WDR93: variants seen among roughly 807,000 people sequenced by gnomAD.
WDR93 encodes the protein WD repeat-containing protein 93.
In WDR93, 73 loss-of-function variants were observed where a neutral mutation model predicts 82.9. The ratio of observed to expected loss-of-function variants is 0.88; its 90% CI spans 0.73 to 1.07. The LOEUF is 1.07. Ranked by LOEUF, WDR93 falls within the 50% of genes least tolerant of loss-of-function variation. The pLI is 0.00. For missense variants in WDR93, 738 were observed against 826.0 expected (o/e 0.89, Z 1.31); for synonymous variants, 283 against 300.1 (o/e 0.94, Z 0.59).
At chr15:89,701,609 A>G (rs1336942919) in intron 1 of WDR93, 98 bp from the exon 2 acceptor site, 5 of 1,019,898 alleles carry the variant, frequency 4.9e-6, no homozygotes, top group Non-Finnish European at 7.2e-6. Flanking sequence ...TCTGTGGAAT[A>G]AGCAGTCCCT....
At position 89,714,831 on chromosome 15, in the gene WDR93, A is replaced by T. The variant is rs113391575; in HGVS notation, c.641-149A>T. The T allele has an allele frequency of 5.6e-3, 3,457 of 622,750 alleles. 17 individuals carry two copies. Among genetic ancestry groups the T allele is most frequent in the Non-Finnish European group, 7.7e-3 (2,722 of 354,816 alleles). The allele number at this position is 622,750 out of a possible 1,614,324, so 38.6% of individuals were successfully genotyped here. A position where few individuals can be genotyped will look rare whatever the true frequency, so the allele number is the denominator to read the frequency against. ...GAGGACTTGCAATAACCATTGCAGA[A>T]CTACTTCTCCTTCAGTATGTCAAAG... On this transcript the variant is annotated intron_variant, in intron 5 of 16. Coordinates refer to ENST00000268130, the MANE Select transcript of WDR93 (RefSeq NM_020212.2).
chr15:89,737,774 A>C (rs762434290), intron 15 of WDR93, 45 bp downstream of exon 15: 3 of 1,610,506 alleles, frequency 1.9e-6, no homozygotes, highest in Admixed American at 1.7e-5. Context: ...CATTTCCCTG[A>C]CTTAGTTCTC....
At chr15:89,712,138 T>G (rs1389300735) in intron 5 of WDR93, 34 bp downstream of exon 5, 4 of 1,533,044 alleles carry the variant, frequency 2.6e-6, no homozygotes, top group Admixed American at 1.7e-5. Flanking sequence ...AGGTTCAAAT[T>G]TTCAGTCTCT....
chr15:89,716,461 C>A (rs1455222218), intron 6 of WDR93, among the ~76,000 whole-genome samples: 1 of 152,192 alleles, frequency 6.6e-6, no homozygotes, highest in Non-Finnish European at 1.5e-5. Flanking sequence ...GGGGTGGTTT[C>A]TCACCATAAT....
At chr15:89,729,816 A>C (rs779085658) in intron 11 of WDR93, 47 bp downstream of exon 11, 2 of 1,469,048 alleles carry the variant, frequency 1.4e-6, no homozygotes. Flanking sequence ...GGACTTGCAG[A>C]CATGTCCTTC....
At chr15:89,703,255 T>C in intron 3 of WDR93, 113 bp downstream of exon 3, 1 of 1,102,262 alleles carries the variant, frequency 9.1e-7, no homozygotes, top group Non-Finnish European at 1.4e-6. Flanking sequence ...TTCTCCCTGG[T>C]CATGTAATAG....
chr15:89,715,139 C>T, intron 6 of WDR93, 44 bp downstream of exon 6: 1 of 1,563,050 alleles, frequency 6.4e-7, no homozygotes, highest in Non-Finnish European at 8.7e-7. Context: ...TCTCCCTACC[C>T]CTGACCCACA....
At chr15:89,734,103 C>A (rs765580364) in intron 13 of WDR93, among the ~76,000 whole-genome samples, 32 of 152,278 alleles carry the variant, frequency 2.1e-4, no homozygotes, top group Non-Finnish European at 2.9e-4. Context: ...ATCTCCAGTT[C>A]CATTTGGGCT....
At position 89,738,182 on chromosome 15, in the gene WDR93, C is replaced by A; in HGVS notation, c.1907C>A (p.Ala636Asp). The A allele has an allele frequency of 6.2e-7, 1 of 1,614,092 alleles. No individual in the cohort carries two copies. Among genetic ancestry groups the A allele is most frequent in the East Asian group, 2.2e-5 (1 of 44,880 alleles). Reference sequence around the variant, plus strand: ...CCTCAAAGGGACTTGGATAACATGGCCTTCCCCCAAGCACTGCCACTGGAG... The same window carrying A: ...CCTCAAAGGGACTTGGATAACATGGACTTCCCCCAAGCACTGCCACTGGAG... ...TIPQRDLDNM[A>D]FPQALPLEKR... Residue 636 changes from alanine to aspartate, a missense_variant, in exon 16 of 17, where the codon GCC becomes GAC. Physicochemically the swap from Ala to Asp is moderately radical, Grantham distance 126 (BLOSUM62 -2). Transcript: ENST00000268130.
intron 10 of WDR93, among the ~76,000 whole-genome samples, 180 bp downstream of exon 10, chr15:89,729,273 A>G (rs1966841566): frequency 6.6e-6 from 1 of 152,070 alleles, no homozygotes; most frequent in Non-Finnish European, 1.5e-5. Flanking sequence ...CCCTGAGCAC[A>G]GGTTCTCTGA....
rs376674698 is a variant in WDR93, at chr15:89,715,099, G to A, written c.756+4G>A. On this transcript the variant is annotated splice_donor_region_variant and intron_variant, in intron 6 of 16. Coordinates refer to ENST00000268130, the MANE Select transcript of WDR93 (RefSeq NM_020212.2). ...AAAAGTCAGACAGCCGCAACTGGTA[G>A]GAAATATCTCTGCTTTCAGCTGATA... 1.3e-5 allele frequency: 21 copies of A among 1,612,218 alleles called. No individual in the cohort carries two copies. The African/African-American group carries it at 2.7e-4, about 21-fold the overall frequency.
intron 8 of WDR93, among the ~76,000 whole-genome samples, chr15:89,725,675 A>T (rs1966710349): frequency 6.8e-6 from 1 of 147,934 alleles, no homozygotes; most frequent in Non-Finnish European, 1.5e-5. Context: ...CAATCCTCCC[A>T]CCTCAGCCTC....
intron 16 of WDR93, among the ~76,000 whole-genome samples, chr15:89,740,507 G>GT (rs202183075): frequency 1.3e-5 from 2 of 151,832 alleles, no homozygotes; most frequent in African/African-American, 4.8e-5. Flanking sequence ...TTTTGTTTTT[G>GT]TTTTTGTTTT....
intron 13 of WDR93, among the ~76,000 whole-genome samples, chr15:89,734,624 C>G (rs1967010456): frequency 6.6e-6 from 1 of 152,160 alleles, no homozygotes; most frequent in South Asian, 2.1e-4. Flanking sequence ...CCAAATACAG[C>G]CAACTGCTTT....
Position 89,737,727 on chromosome 15 carries a change from G to C in WDR93, c.1763G>C (p.Arg588Pro), listed in dbSNP as rs770020621. ...VSPDHPCFLL[R>P]GDYSHETAST... ...CCAGACCATCCATGTTTCCTGCTCC[G>C]AGGTACAGAAAGGGACCAGGGCTGA... Residue 588 changes from arginine (R) to proline (P), a missense_variant and splice_region_variant, in exon 15 of 17, where the codon CGA becomes CCA. Coordinates refer to ENST00000268130, the MANE Select transcript of WDR93 (RefSeq NM_020212.2). The C allele has an allele frequency of 6.2e-7, 1 of 1,614,092 alleles. No individual in the cohort carries two copies. Among genetic ancestry groups the C allele is most frequent in the Admixed American group, 1.7e-5 (1 of 60,010 alleles).
At chr15:89,743,232 G>A (rs1967814662) in intron 16 of WDR93, 60 bp from the exon 17 acceptor site, 3 of 1,574,738 alleles carry the variant, frequency 1.9e-6, no homozygotes, top group East Asian at 2.2e-5. Flanking sequence ...TCTGCCCTGG[G>A]GGCTCGGGAG....
chr15:89,699,135 C>T (rs1965330629), intron 1 of WDR93, among the ~76,000 whole-genome samples: 1 of 152,110 alleles, frequency 6.6e-6, no homozygotes, highest in Non-Finnish European at 1.5e-5. Flanking sequence ...GTCCTGGGAG[C>T]TACTATACCC....
In WDR93 at chr15:89,702,051, T is replaced by C; in HGVS notation, c.303+2T>C. 7 of 1,606,044 alleles carry C rather than the reference T, an allele frequency of 4.4e-6. No homozygotes were observed. The highest frequency in any genetic ancestry group is 6.0e-6 in the Non-Finnish European group (7 of 1,175,176). ...TACCCTCCACTTGGAGAAATCCAGG[T>C]ATGGAGTAAGCAGTTGACCAGGAGC... On this transcript the variant is annotated splice_donor_variant, in intron 2 of 16. Coordinates refer to ENST00000268130, the MANE Select transcript of WDR93 (RefSeq NM_020212.2). LOFTEE classifies it high-confidence loss of function.
chr15:89,735,381 C>T, intron 13 of WDR93, 109 bp from the exon 14 acceptor site: 1 of 1,144,242 alleles, frequency 8.7e-7, no homozygotes, highest in East Asian at 2.4e-5. Context: ...AGCCTCCTCA[C>T]ATATTTCTTG....
Sources: allele counts gnomAD v4.1 joint callset (sites outside exome capture counted in the v4.1 genomes callset), GRCh38; gene constraint gnomAD v4.1.1; transcripts MANE v1.5; gene names NCBI Gene and HGNC (gene_info 2026-07-23, HGNC 2026-07-21).